The following HCN1 variants were observed in gnomAD, a reference collection of about 807,000 sequenced individuals.
HCN1 encodes the protein potassium/sodium hyperpolarization-activated cyclic nucleotide-gated channel 1.
Under a neutral mutation model 78.9 loss-of-function variants are expected in HCN1, and 13 were observed. The ratio of observed to expected loss-of-function variants is 0.16; its 90% CI spans 0.11 to 0.26. The LOEUF is 0.26. Ranked by LOEUF, HCN1 falls within the 10% of genes least tolerant of loss-of-function variation. The probability of loss-of-function intolerance (pLI) is 1.00; values close to 1 mark genes in which losing one functional copy is unlikely to be tolerated. For missense variants in HCN1, 810 were observed against 1,154.3 expected (o/e 0.70, Z 4.32); for synonymous variants, 552 against 455.5 (o/e 1.21, Z -2.70).
intron 6 of HCN1, among the ~76,000 whole-genome samples, chr5:45,292,660 T>C (rs1391113936): frequency 6.6e-6 from 1 of 151,950 alleles, no homozygotes; most frequent in Non-Finnish European, 1.5e-5. Context: ...AGAATGAGAC[T>C]AACAAAATAA....
intron 2 of HCN1, among the ~76,000 whole-genome samples, chr5:45,554,815 C>T (rs934789483): frequency 1.3e-5 from 2 of 151,832 alleles, no homozygotes; most frequent in Non-Finnish European, 2.9e-5. Context: ...TAACTTTCTT[C>T]TGTATTAAAG....
intron 2 of HCN1, among the ~76,000 whole-genome samples, chr5:45,500,314 A>T (rs558412156): frequency 6.6e-6 from 1 of 152,326 alleles, no homozygotes; most frequent in Non-Finnish European, 1.5e-5. Context: ...CAAAATATCA[A>T]TAGCTTAGGT....
At chr5:45,658,539 G>T (rs751260360) in intron 1 of HCN1, among the ~76,000 whole-genome samples, 4 of 152,142 alleles carry the variant, frequency 2.6e-5, no homozygotes, top group Non-Finnish European at 5.9e-5. Context: ...TCCATCTGAG[G>T]TAACGGGTTC....
At chr5:45,639,672 T>C (rs1191356652) in intron 2 of HCN1, among the ~76,000 whole-genome samples, 2 of 152,198 alleles carry the variant, frequency 1.3e-5, no homozygotes, top group Non-Finnish European at 2.9e-5. Flanking sequence ...CAAACATTTT[T>C]TGACAGCAAG....
chr5:45,301,694 C>A (rs1745624487), intron 6 of HCN1, among the ~76,000 whole-genome samples: 1 of 147,058 alleles, frequency 6.8e-6, no homozygotes. Flanking sequence ...GCACTTCAGC[C>A]TAGGTGACAG....
intron 2 of HCN1, among the ~76,000 whole-genome samples, chr5:45,475,110 T>C (rs1165497256): frequency 6.6e-6 from 1 of 152,022 alleles, no homozygotes; most frequent in Admixed American, 6.6e-5. Flanking sequence ...ATCAATAATG[T>C]AATAGTGAAC....
chr5:45,317,533 G>A (rs1746020562), intron 5 of HCN1, among the ~76,000 whole-genome samples: 1 of 152,108 alleles, frequency 6.6e-6, no homozygotes, highest in Non-Finnish European at 1.5e-5. Context: ...AACACCAAAA[G>A]CAATGGCAAC....
intron 4 of HCN1, among the ~76,000 whole-genome samples, chr5:45,360,140 G>T (rs1242522087): frequency 1.3e-5 from 2 of 151,302 alleles, no homozygotes; most frequent in Non-Finnish European, 3.0e-5. Flanking sequence ...AAATCCAGTT[G>T]AATAAAAATA....
chr5:45,695,424 C>T (rs561646796), intron 1 of HCN1, among the ~76,000 whole-genome samples: 20 of 152,276 alleles, frequency 1.3e-4, no homozygotes, highest in African/African-American at 4.8e-4. Flanking sequence ...CCCCGAAGTT[C>T]AGGAGGCCAA....
chr5:45,694,620 G>T (rs1580054259), intron 1 of HCN1, among the ~76,000 whole-genome samples: 1 of 151,968 alleles, frequency 6.6e-6, no homozygotes, highest in South Asian at 2.1e-4. Flanking sequence ...GAACGAGTTC[G>T]GCCAAATAAA....
chr5:45,649,377 A>T (rs774235545), intron 1 of HCN1, among the ~76,000 whole-genome samples: 1 of 151,984 alleles, frequency 6.6e-6, no homozygotes, highest in Non-Finnish European at 1.5e-5. Flanking sequence ...ATCCCCCACC[A>T]TAAAAAAAAA....
chr5:45,530,145 A>T (rs1419481001), intron 2 of HCN1, among the ~76,000 whole-genome samples: 1 of 152,168 alleles, frequency 6.6e-6, no homozygotes, highest in African/African-American at 2.4e-5. Flanking sequence ...TGATTACGGA[A>T]TCTGTAACCA....
At chr5:45,317,735 C>T (rs1746026073) in intron 5 of HCN1, among the ~76,000 whole-genome samples, 1 of 151,972 alleles carries the variant, frequency 6.6e-6, no homozygotes, top group Non-Finnish European at 1.5e-5. Flanking sequence ...ACAAACAACC[C>T]CATCAAAAAG....
intron 2 of HCN1, among the ~76,000 whole-genome samples, chr5:45,537,523 CTTTTT>C (rs71000638): frequency 2.7e-4 from 7 of 25,736 alleles, no homozygotes; most frequent in Admixed American, 7.2e-4. Context: ...AACTCTAAGT[CTTTTT>C]TTTTTTTTTT....
intron 5 of HCN1, among the ~76,000 whole-genome samples, chr5:45,310,637 C>A (rs1345435173): frequency 6.6e-6 from 1 of 152,108 alleles, no homozygotes; most frequent in Admixed American, 6.6e-5. Flanking sequence ...GACAGAAATA[C>A]CATTCAACCC....
At position 45,352,388 on chromosome 5, in the gene HCN1, G is replaced by A. The variant is rs530214909; in HGVS notation, c.1377+712C>T. Among the ~76,000 whole-genome samples the A allele has an allele frequency of 1.7e-3, 252 of 151,878 alleles. 7 individuals carry two copies. In the South Asian group the frequency reaches 0.052, roughly 31 times the overall value. ...TGGGGAGTGTTGTGCAGTGGGGGGA[G>A]GGGGAGGGATAGCATTAGGAGATAT... is the stretch of plus-strand genomic sequence containing the variant. On this transcript the variant is annotated intron_variant, in intron 5 of 7. Coordinates refer to ENST00000303230, the MANE Select transcript of HCN1 (RefSeq NM_021072.4).
intron 2 of HCN1, among the ~76,000 whole-genome samples, chr5:45,493,164 G>C (rs190494395): frequency 1.2e-4 from 18 of 152,058 alleles, no homozygotes; most frequent in African/African-American, 4.1e-4. Flanking sequence ...AGTTTTTGCA[G>C]CTCAACTGAT....
chr5:45,471,057 GA>G (rs1214270923), intron 2 of HCN1, among the ~76,000 whole-genome samples: 1 of 151,836 alleles, frequency 6.6e-6, no homozygotes, highest in Admixed American at 6.6e-5. Context: ...TCTGGATATA[GA>G]ATTCTAGATT....
chr5:45,329,189 T>C (rs931662113), intron 5 of HCN1, among the ~76,000 whole-genome samples: 2 of 151,398 alleles, frequency 1.3e-5, no homozygotes, highest in African/African-American at 2.4e-5. Context: ...CTATGTAATA[T>C]CCTCACTATC....
Sources: allele counts gnomAD v4.1 joint callset (sites outside exome capture counted in the v4.1 genomes callset), GRCh38; gene constraint gnomAD v4.1.1; transcripts MANE v1.5; gene names NCBI Gene and HGNC (gene_info 2026-07-23, HGNC 2026-07-21).